KDM4C: variants seen among roughly 807,000 people sequenced by gnomAD.
KDM4C encodes the protein lysine-specific demethylase 4C.
In KDM4C, 81 loss-of-function variants were observed where a neutral mutation model predicts 129.3. The observed-to-expected ratio is 0.63, with a 90% confidence interval of 0.52 to 0.75. KDM4C has a LOEUF of 0.75. KDM4C is among the 30% of genes least tolerant of loss of function. KDM4C has a pLI of 0.00. For missense variants in KDM4C, 1,457 were observed against 1,304.0 expected (o/e 1.12, Z -1.81); for synonymous variants, 573 against 456.1 (o/e 1.26, Z -3.26).
chr9:6,917,245 C>G (rs555981111), intron 8 of KDM4C, among the ~76,000 whole-genome samples: 9 of 137,010 alleles, frequency 6.6e-5, no homozygotes, highest in Middle Eastern at 8.1e-3. Flanking sequence ...TATCCATATT[C>G]TCAGTTTCAG....
intron 5 of KDM4C, among the ~76,000 whole-genome samples, chr9:6,878,009 G>A (rs1182049588): frequency 6.6e-6 from 1 of 152,198 alleles, no homozygotes; most frequent in Non-Finnish European, 1.5e-5. Flanking sequence ...AGAGAAGCAT[G>A]TAAAATATTT....
chr9:7,109,984 G>T (rs1457772073), intron 18 of KDM4C, among the ~76,000 whole-genome samples: 1 of 152,096 alleles, frequency 6.6e-6, no homozygotes, highest in Non-Finnish European at 1.5e-5. Flanking sequence ...CTGCTGTCCT[G>T]TGAGGAGGTG....
intron 17 of KDM4C, among the ~76,000 whole-genome samples, chr9:7,080,841 A>T (rs1266425143): frequency 1.3e-5 from 2 of 152,228 alleles, no homozygotes; most frequent in Non-Finnish European, 1.5e-5. Context: ...AGTCTTCCAG[A>T]ATTCTTCTGG....
chr9:7,081,210 T>C (rs993510934), intron 17 of KDM4C, among the ~76,000 whole-genome samples: 1 of 152,188 alleles, frequency 6.6e-6, no homozygotes, highest in African/African-American at 2.4e-5. Context: ...TTCCATCTTC[T>C]TCCCTGAATC....
At chr9:6,873,915 CGAGAGAGAGAGAGAGTGAGAGAGAGCGA>C (rs1250592883) in intron 5 of KDM4C, among the ~76,000 whole-genome samples, 134 of 112,974 alleles carry the variant, frequency 1.2e-3, no homozygotes, top group African/African-American at 4.0e-3. Context: ...AGAGAGAGAG[CGAGAGAGAGAGAGAGTGAGAGAGAGCGA>C]GAGAGAGAGA....
At chr9:6,739,691 G>C (rs1588049629) in intron 1 of KDM4C, among the ~76,000 whole-genome samples, 2 of 147,728 alleles carry the variant, frequency 1.4e-5, no homozygotes, top group East Asian at 4.0e-4. Flanking sequence ...GGTAGTATTA[G>C]AAACCTTTAA....
intron 1 of KDM4C, among the ~76,000 whole-genome samples, chr9:6,786,592 A>G (rs1564001939): frequency 6.6e-6 from 1 of 152,112 alleles, no homozygotes; most frequent in Admixed American, 6.6e-5. Flanking sequence ...AGATATACCT[A>G]TTTTCCTGTG....
At chr9:7,016,816 G>C (rs1823784198) in intron 15 of KDM4C, among the ~76,000 whole-genome samples, 2 of 152,116 alleles carry the variant, frequency 1.3e-5, no homozygotes, top group African/African-American at 4.8e-5. Flanking sequence ...CAAGGCTTCA[G>C]AATTTTTCTT....
intron 11 of KDM4C, among the ~76,000 whole-genome samples, chr9:6,988,930 C>T (rs1818236095): frequency 6.6e-6 from 1 of 152,182 alleles, no homozygotes; most frequent in Non-Finnish European, 1.5e-5. Flanking sequence ...TCCTTCGTTA[C>T]ATATTTACCG....
At chr9:6,846,000 A>G (rs112947297) in intron 4 of KDM4C, among the ~76,000 whole-genome samples, 3,569 of 152,308 alleles carry the variant, frequency 0.023, 138 homozygotes, top group African/African-American at 0.077. Flanking sequence ...CTTTTACACT[A>G]AATCATTCCT....
At chr9:6,817,871 A>G (rs1220352501) in intron 4 of KDM4C, among the ~76,000 whole-genome samples, 2 of 143,818 alleles carry the variant, frequency 1.4e-5, no homozygotes, top group Non-Finnish European at 3.0e-5. Flanking sequence ...GGTTTAAGCT[A>G]TTCTCCTGCC....
At chr9:7,091,410 A>C (rs1210197210) in intron 17 of KDM4C, among the ~76,000 whole-genome samples, 1 of 152,162 alleles carries the variant, frequency 6.6e-6, no homozygotes, top group African/African-American at 2.4e-5. Flanking sequence ...ATTTTTTTTC[A>C]CTAAAACACT....
intron 12 of KDM4C, among the ~76,000 whole-genome samples, chr9:6,995,073 C>A (rs974490041): frequency 6.6e-6 from 1 of 151,584 alleles, no homozygotes; most frequent in South Asian, 2.1e-4. Context: ...TTTTCCCCAC[C>A]CACAACAAAG....
intron 15 of KDM4C, among the ~76,000 whole-genome samples, chr9:7,040,381 G>GTGTGTC (rs56249522): frequency 0.5 from 70,191 of 140,470 alleles, 18,053 homozygotes; most frequent in Non-Finnish European, 0.58. Flanking sequence ...GTGTGTGTGT[G>GTGTGTC]TGTGTGTGTG....
chr9:7,062,714 A>G (rs1296773971), intron 17 of KDM4C, among the ~76,000 whole-genome samples: 1 of 151,554 alleles, frequency 6.6e-6, no homozygotes, highest in Non-Finnish European at 1.5e-5. Context: ...ATTTGAACTT[A>G]CAGAATTATT....
chr9:7,098,546 C>T lies in KDM4C; in HGVS notation c.2425-5139C>T, dbSNP rs186804039. 2.0e-3 allele frequency among the ~76,000 whole-genome samples: 298 copies of T among 152,284 alleles called. 1 individual carries two copies. The highest frequency in any genetic ancestry group is 6.9e-3 in the African/African-American group (286 of 41,544). ...CCCAAGTAAACAGGATTTGTTTTAT[C>T]GTATCACTCATATGTGGGTGAGGCT... On this transcript the variant is annotated intron_variant, in intron 17 of 21. Transcript: ENST00000381309.
rs532542144 is a variant in KDM4C, at chr9:6,778,088, T to A, written c.-17-14884T>A. 3.1e-3 allele frequency among the ~76,000 whole-genome samples: 465 copies of A among 149,224 alleles called. 5 individuals are homozygous for A. Among genetic ancestry groups the A allele is most frequent in the African/African-American group, 0.011 (453 of 40,982 alleles). On this transcript the variant is annotated intron_variant, in intron 1 of 21. Coordinates refer to ENST00000381309, the MANE Select transcript of KDM4C (RefSeq NM_015061.6). ...GGCATGCCACCATGCTTGCCTAATT[T>A]TTTCTTTTTTTTTTTTTTTGAGACA...
intron 9 of KDM4C, 53 bp downstream of exon 9, chr9:6,981,171 A>C (rs1816709780): frequency 6.9e-7 from 1 of 1,442,582 alleles, no homozygotes; most frequent in African/African-American, 1.4e-5. Flanking sequence ...TTTCTCAGTT[A>C]AAATGGGTCA....
intron 1 of KDM4C, among the ~76,000 whole-genome samples, chr9:6,775,915 T>C (rs997148022): frequency 4.6e-5 from 7 of 152,214 alleles, no homozygotes; most frequent in African/African-American, 1.7e-4. Context: ...ATCTACCCAT[T>C]AGATGCAACT....
Sources: gnomAD v4.1 joint callset for allele counts (sites outside exome capture counted in the v4.1 genomes callset) on GRCh38, gnomAD v4.1.1 for gene constraint, MANE v1.5 for transcripts, NCBI Gene and HGNC (gene_info 2026-07-23, HGNC 2026-07-21) for gene names.